The following SNTB2 variants were observed in gnomAD, a reference collection of about 807,000 sequenced individuals.
The protein encoded by SNTB2 is beta-2-syntrophin.
In SNTB2, 34 loss-of-function variants were observed where a neutral mutation model predicts 46.2. That is an observed-to-expected ratio of 0.74 (90% CI 0.56 to 0.98). The LOEUF is 0.98. SNTB2 is among the 50% of genes least tolerant of loss of function. The pLI is 0.00. For missense variants in SNTB2, 603 were observed against 731.4 expected, an observed-to-expected ratio of 0.82 and a Z score of 2.02; for synonymous variants, 290 against 312.6, an observed-to-expected ratio of 0.93 and a Z score of 0.76.
intron 4 of SNTB2, among the ~76,000 whole-genome samples, chr16:69,278,042 C>A (rs1186106691): frequency 6.6e-6 from 1 of 152,114 alleles, no homozygotes; most frequent in Non-Finnish European, 1.5e-5. Flanking sequence ...ATGAGCCAGG[C>A]ACGGCGGCAC....
At chr16:69,281,600 C>G (rs1271268034) in intron 4 of SNTB2, among the ~76,000 whole-genome samples, 1 of 151,472 alleles carries the variant, frequency 6.6e-6, no homozygotes, top group Non-Finnish European at 1.5e-5. Context: ...CCTGTAATCC[C>G]AGCACTTTGG....
intron 1 of SNTB2, among the ~76,000 whole-genome samples, chr16:69,195,942 G>A (rs1373888136): frequency 3.3e-5 from 5 of 152,120 alleles, no homozygotes; most frequent in African/African-American, 9.7e-5. Flanking sequence ...ACAGGCTATA[G>A]GGCTTAAAAT....
At chr16:69,194,720 C>G (rs903745628) in intron 1 of SNTB2, among the ~76,000 whole-genome samples, 3 of 152,170 alleles carry the variant, frequency 2.0e-5, no homozygotes, top group African/African-American at 7.2e-5. Context: ...CAGGTCACCT[C>G]AGACCTGTAC....
chr16:69,206,082 T>TA (rs1446307371), intron 1 of SNTB2, among the ~76,000 whole-genome samples: 1 of 152,144 alleles, frequency 6.6e-6, no homozygotes, highest in Admixed American at 6.6e-5. Context: ...CAGCATCCTC[T>TA]AACTCCTGGG....
At chr16:69,279,749 C>T (rs904795959) in intron 4 of SNTB2, among the ~76,000 whole-genome samples, 4 of 151,296 alleles carry the variant, frequency 2.6e-5, no homozygotes, top group Non-Finnish European at 2.9e-5. Context: ...AGGATGGTCT[C>T]GATCTCCTGA....
At chr16:69,208,770 C>T (rs1006852302) in intron 1 of SNTB2, among the ~76,000 whole-genome samples, 6 of 151,316 alleles carry the variant, frequency 4.0e-5, no homozygotes, top group African/African-American at 1.2e-4. Context: ...CCGAGGCAGG[C>T]GGATCATGAG....
intron 1 of SNTB2, among the ~76,000 whole-genome samples, chr16:69,202,569 T>A (rs1768595828): frequency 6.7e-6 from 1 of 149,804 alleles, no homozygotes; most frequent in Admixed American, 6.7e-5. Flanking sequence ...CATTCAGTAA[T>A]TTTTTTTTTA....
chr16:69,214,785 C>A (rs1054351909), intron 1 of SNTB2, among the ~76,000 whole-genome samples: 2 of 150,996 alleles, frequency 1.3e-5, no homozygotes, highest in Non-Finnish European at 2.9e-5. Context: ...TCTCAGCCTC[C>A]CACAGTGCTG....
In SNTB2 at chr16:69,307,950, T is replaced by C. The variant is rs1469082508; in HGVS notation, c.*7026T>C. Reference sequence around the variant, plus strand: ...AATTTTCACACAATAACAGTCCCTTTCTATCCAGCTTGCCTTCCATTTATC... The same window carrying C: ...AATTTTCACACAATAACAGTCCCTTCCTATCCAGCTTGCCTTCCATTTATC... On this transcript the variant is annotated 3_prime_UTR_variant, in exon 7 of 7. Coordinates refer to ENST00000336278, the MANE Select transcript of SNTB2 (RefSeq NM_006750.4). The C allele has an allele frequency of 6.6e-6, 1 of 152,224 alleles. No individual in the cohort carries two copies. Among genetic ancestry groups the C allele is most frequent in the Non-Finnish European group, 1.5e-5 (1 of 68,038 alleles). 9.4% of individuals were successfully genotyped at this position (152,224 alleles called of 1,614,324 possible). A position where few individuals can be genotyped will look rare whatever the true frequency, so the allele number is the denominator to read the frequency against.
chr16:69,254,868 C>T (rs1320133122), intron 2 of SNTB2, among the ~76,000 whole-genome samples: 7 of 151,978 alleles, frequency 4.6e-5, no homozygotes, highest in Non-Finnish European at 7.4e-5. Flanking sequence ...GTGGTAGTCC[C>T]AGTTAACTGG....
chr16:69,231,557 C>G (rs908664380), intron 1 of SNTB2, among the ~76,000 whole-genome samples: 2 of 152,194 alleles, frequency 1.3e-5, no homozygotes, highest in African/African-American at 4.8e-5. Context: ...CCATTGCATT[C>G]CAGCCTGGGC....
At chr16:69,195,241 A>G (rs1964092937) in intron 1 of SNTB2, among the ~76,000 whole-genome samples, 1 of 152,114 alleles carries the variant, frequency 6.6e-6, no homozygotes, top group Admixed American at 6.5e-5. Context: ...TATATGATTT[A>G]TTTTTAATTT....
At position 69,280,678 on chromosome 16, in the gene SNTB2, T is replaced by G. The variant is rs1158250776; in HGVS notation, c.1149-3370T>G. Among the ~76,000 whole-genome samples the G allele has an allele frequency of 2.6e-5, 4 of 152,352 alleles. No homozygotes were observed. In the East Asian group the frequency reaches 7.7e-4, roughly 29 times the overall value. ...GTAGGGGCGGCCGGCTTTGCCCATT[T>G]TTTAACTGGGTGGTTTTCTTATCGT... On this transcript the variant is annotated intron_variant, in intron 4 of 6. Transcript: ENST00000336278.
chr16:69,219,101 G>A (rs1964375850), intron 1 of SNTB2, among the ~76,000 whole-genome samples: 1 of 152,210 alleles, frequency 6.6e-6, no homozygotes, highest in South Asian at 2.1e-4. Flanking sequence ...GGAGGATTGG[G>A]AGTGGGTATT....
chr16:69,237,698 G>T (rs1964572312), intron 1 of SNTB2, among the ~76,000 whole-genome samples: 2 of 149,380 alleles, frequency 1.3e-5, no homozygotes. Context: ...CGCCTCCCCG[G>T]TTCAAGTGAT....
rs1965307836 is a variant in SNTB2, at chr16:69,305,177, G to A, written c.*4253G>A. ...GGATATATTTGTTTTCAAAGCCATGGAAGAATCTCTGTTCATATATTTTAA... is the reference window on the plus strand; with the variant it reads ...GGATATATTTGTTTTCAAAGCCATGAAAGAATCTCTGTTCATATATTTTAA... On this transcript the variant is annotated 3_prime_UTR_variant, in exon 7 of 7. Transcript: ENST00000336278. 1 of 152,528 alleles carries A rather than the reference G, an allele frequency of 6.6e-6. No individual in the cohort carries two copies. 9.4% of individuals were successfully genotyped at this position (152,528 alleles called of 1,614,324 possible). A position where few individuals can be genotyped will look rare whatever the true frequency, so the allele number is the denominator to read the frequency against.
At chr16:69,291,019 A>C (rs1965154606) in intron 5 of SNTB2, among the ~76,000 whole-genome samples, 1 of 152,248 alleles carries the variant, frequency 6.6e-6, no homozygotes, top group South Asian at 2.1e-4. Context: ...TAATAAAAGA[A>C]AAATAAGTAA....
intron 4 of SNTB2, among the ~76,000 whole-genome samples, chr16:69,281,970 A>G (rs1345160923): frequency 6.9e-6 from 1 of 144,020 alleles, no homozygotes; most frequent in Non-Finnish European, 1.5e-5. Flanking sequence ...CAGTAGCGCA[A>G]TCTCGGCCAC....
chr16:69,251,961 T>G (rs1263132592), intron 2 of SNTB2, among the ~76,000 whole-genome samples: 2 of 152,190 alleles, frequency 1.3e-5, no homozygotes, highest in Non-Finnish European at 2.9e-5. Context: ...CTGCCAGACT[T>G]TCTTCCAAAG....
Sources: allele counts gnomAD v4.1 joint callset (sites outside exome capture counted in the v4.1 genomes callset), GRCh38; gene constraint gnomAD v4.1.1; transcripts MANE v1.5; gene names NCBI Gene and HGNC (gene_info 2026-07-23, HGNC 2026-07-21).